The following ITPKB variants were observed in gnomAD, a reference collection of about 807,000 sequenced individuals.
ITPKB encodes the protein inositol-trisphosphate 3-kinase B.
Under a neutral mutation model 69.4 loss-of-function variants are expected in ITPKB, and 13 were observed. The observed-to-expected ratio is 0.19, with a 90% confidence interval of 0.12 to 0.30. The LOEUF is 0.30. Among genes scored for constraint, ITPKB ranks in the 10% least tolerant of loss-of-function variants. The probability of loss-of-function intolerance (pLI) is 1.00; values close to 1 mark genes in which losing one functional copy is unlikely to be tolerated. For synonymous variants in ITPKB, 584 were observed against 513.7 expected (o/e 1.14, Z -1.85); for missense variants, 1,240 against 1,250.5 (o/e 0.99, Z 0.13).
chr1:226,661,852 G>A (rs984456976), intron 2 of ITPKB, among the ~76,000 whole-genome samples: 2 of 152,202 alleles, frequency 1.3e-5, no homozygotes, highest in African/African-American at 4.8e-5. Flanking sequence ...GATGTTAGCA[G>A]TAGGGTCTGA....
At chr1:226,723,906 G>A (rs1396029604) in intron 2 of ITPKB, among the ~76,000 whole-genome samples, 1 of 152,066 alleles carries the variant, frequency 6.6e-6, no homozygotes, top group Non-Finnish European at 1.5e-5. Context: ...AACCTCCCTG[G>A]AAAAATAAAT....
At chr1:226,708,489 A>G (rs1054370500) in intron 2 of ITPKB, among the ~76,000 whole-genome samples, 1 of 152,202 alleles carries the variant, frequency 6.6e-6, no homozygotes, top group South Asian at 2.1e-4. Context: ...ATTCTGGTCA[A>G]TGAGACACAG....
intron 2 of ITPKB, among the ~76,000 whole-genome samples, chr1:226,662,290 C>G (rs1288937): frequency 0.88 from 134,372 of 152,254 alleles, 59,638 homozygotes; most frequent in East Asian, 0.99. Context: ...GAATCTAAAA[C>G]GAAGTTTTCT....
At position 226,655,870 on chromosome 1, in the gene ITPKB, T is replaced by G. The variant is rs116276288; in HGVS notation, c.1933-7099A>C. ...GCAGACACTTGTATGTCGTGAGGAC[T>G]GCAGGTCACTGGCAGCCCTGGTGAC... On this transcript the variant is annotated intron_variant, in intron 2 of 7. Transcript: ENST00000429204. 7.5e-3 allele frequency among the ~76,000 whole-genome samples: 1,135 copies of G among 152,348 alleles called. 12 individuals are homozygous for G. Among genetic ancestry groups the G allele is most frequent in the African/African-American group, 0.026 (1,077 of 41,578 alleles).
At chr1:226,700,187 C>A (rs993677659) in intron 2 of ITPKB, among the ~76,000 whole-genome samples, 1 of 152,148 alleles carries the variant, frequency 6.6e-6, no homozygotes, top group East Asian at 1.9e-4. Flanking sequence ...TACTTTGCAA[C>A]TGGCCAGACA....
Position 226,737,286 on chromosome 1 carries a change from A to T in ITPKB, c.173T>A (p.Phe58Tyr). ...GGGGGACAGCGACTCGGCTGGGGGGAAGAGGAAAGAGGCGCCTCTCCCGGG... is the reference window on the plus strand; with the variant it reads ...GGGGGACAGCGACTCGGCTGGGGGGTAGAGGAAAGAGGCGCCTCTCCCGGG... ...FSPGRGASFL[F>Y]PPAESLSPEE... The change falls in exon 2 of 8, where the codon TTC becomes TAC. Residue 58 changes from phenylalanine to tyrosine, a missense_variant. By Grantham distance (22) the Phe-to-Tyr change is conservative. This residue lies in a region of ITPKB where 992 missense variants were observed against 853.8 expected (regional missense o/e 1.16). Coordinates refer to ENST00000429204, the MANE Select transcript of ITPKB (RefSeq NM_002221.4). The T allele has an allele frequency of 3.2e-6, 5 of 1,557,764 alleles. No individual in the cohort carries two copies. The highest frequency in any genetic ancestry group is 4.3e-6 in the Non-Finnish European group (5 of 1,159,654).
chr1:226,721,544 G>A (rs982468176), intron 2 of ITPKB, among the ~76,000 whole-genome samples: 3 of 151,654 alleles, frequency 2.0e-5, no homozygotes, highest in African/African-American at 7.3e-5. Flanking sequence ...TGCACAGGCT[G>A]GAGTGCAGTG....
chr1:226,737,574 G>C lies in ITPKB; in HGVS notation c.-116C>G. On this transcript the variant is annotated 5_prime_UTR_variant, in exon 2 of 8. Coordinates refer to ENST00000429204, the MANE Select transcript of ITPKB (RefSeq NM_002221.4). ...GGAGGCCCGGCAGCCGCGGCTCCGC[G>C]CGCAGATGGGGCGGCATGGCCTGGG... The C allele has an allele frequency of 2.5e-6, 3 of 1,207,910 alleles. No individual in the cohort carries two copies. Among genetic ancestry groups the C allele is most frequent in the Non-Finnish European group, 2.1e-6 (2 of 975,090 alleles). 74.8% of individuals were successfully genotyped at this position (1,207,910 alleles called of 1,614,324 possible).
At chr1:226,722,722 G>A (rs1235171566) in intron 2 of ITPKB, among the ~76,000 whole-genome samples, 1 of 152,148 alleles carries the variant, frequency 6.6e-6, no homozygotes, top group Non-Finnish European at 1.5e-5. Flanking sequence ...TCCTGCAAAG[G>A]GCAGAAAGAA....
At chr1:226,696,968 A>G (rs1356149616) in intron 2 of ITPKB, among the ~76,000 whole-genome samples, 1 of 152,244 alleles carries the variant, frequency 6.6e-6, no homozygotes, top group African/African-American at 2.4e-5. Context: ...CAGGTACAGC[A>G]TCACTAATTA....
chr1:226,640,749 A>G (rs891312195), intron 5 of ITPKB, among the ~76,000 whole-genome samples: 1 of 152,154 alleles, frequency 6.6e-6, no homozygotes, highest in Non-Finnish European at 1.5e-5. Context: ...CTGGATGCAA[A>G]AAAGAGGGAA....
chr1:226,687,517 C>T (rs1468084580), intron 2 of ITPKB, among the ~76,000 whole-genome samples: 4 of 152,220 alleles, frequency 2.6e-5, no homozygotes, highest in African/African-American at 9.6e-5. Context: ...CCTGGAACAG[C>T]TTTTTCCACT....
intron 2 of ITPKB, among the ~76,000 whole-genome samples, chr1:226,673,749 G>A (rs758906830): frequency 3.3e-5 from 5 of 152,024 alleles, no homozygotes; most frequent in Admixed American, 6.6e-5. Flanking sequence ...TTGGCCTTTC[G>A]GCTTTATTAT....
chr1:226,640,815 G>A (rs570447319), intron 5 of ITPKB, among the ~76,000 whole-genome samples: 5 of 152,286 alleles, frequency 3.3e-5, no homozygotes, highest in South Asian at 2.1e-4. Context: ...CCCAGAGCTC[G>A]CAAAGCAGCT....
At chr1:226,673,303 G>A (rs568686717) in intron 2 of ITPKB, among the ~76,000 whole-genome samples, 3 of 152,306 alleles carry the variant, frequency 2.0e-5, no homozygotes, top group Admixed American at 2.0e-4. Flanking sequence ...GAACACAGGG[G>A]TAGAGGCTGC....
In ITPKB at chr1:226,685,043, G is replaced by A. The variant is rs1453570524; in HGVS notation, c.1933-36272C>T. 2.6e-5 allele frequency among the ~76,000 whole-genome samples: 4 copies of A among 152,210 alleles called. No individual in the cohort carries two copies. In the East Asian group the frequency reaches 5.8e-4, roughly 22 times the overall value. ...CATTGCTTTCCTTTTCCCTTTGAAT[G>A]CCTGAGTAGACATTTAAGCCAAGCT... is the stretch of plus-strand genomic sequence containing the variant. On this transcript the variant is annotated intron_variant, in intron 2 of 7. Transcript: ENST00000429204.
At chr1:226,678,043 G>T (rs1229805971) in intron 2 of ITPKB, among the ~76,000 whole-genome samples, 1 of 151,748 alleles carries the variant, frequency 6.6e-6, no homozygotes, top group East Asian at 1.9e-4. Flanking sequence ...TGAAACGAAG[G>T]AATTAAAAAA....
chr1:226,716,814 T>C (rs1657108179), intron 2 of ITPKB, among the ~76,000 whole-genome samples: 1 of 152,204 alleles, frequency 6.6e-6, no homozygotes, highest in Non-Finnish European at 1.5e-5. Flanking sequence ...GTCATCTGTC[T>C]CCATGAGATG....
chr1:226,689,509 C>T (rs1199797145), intron 2 of ITPKB, among the ~76,000 whole-genome samples: 4 of 151,150 alleles, frequency 2.6e-5, no homozygotes, highest in South Asian at 4.2e-4. Flanking sequence ...GCTCACTATC[C>T]GGGTGGAGAA....
Sources: allele counts gnomAD v4.1 joint callset (sites outside exome capture counted in the v4.1 genomes callset), GRCh38; gene constraint gnomAD v4.1.1; regional missense constraint gnomAD v4.1.1; transcripts MANE v1.5; gene names NCBI Gene and HGNC (gene_info 2026-07-23, HGNC 2026-07-21).